The following CAMSAP3 variants were observed in gnomAD, a reference collection of about 807,000 sequenced individuals.
CAMSAP3 encodes the protein calmodulin-regulated spectrin-associated protein 3.
Under a neutral mutation model 112.5 loss-of-function variants are expected in CAMSAP3, and 34 were observed. That is an observed-to-expected ratio of 0.30 (90% CI 0.23 to 0.40). The LOEUF (loss-of-function observed/expected upper bound fraction) is 0.40. Among genes scored for constraint, CAMSAP3 ranks in the 10% least tolerant of loss-of-function variants. The pLI is 1.00. For missense variants in CAMSAP3, 1,602 were observed against 1,770.3 expected, an observed-to-expected ratio of 0.90 and a Z score of 1.71; for synonymous variants, 868 against 799.8, an observed-to-expected ratio of 1.09 and a Z score of -1.44.
At chr19:7,608,035 G>A in intron 4 of CAMSAP3, 91 bp from the exon 5 acceptor site, 2 of 1,500,634 alleles carry the variant, frequency 1.3e-6, no homozygotes, top group Non-Finnish European at 1.8e-6. Context: ...CCCCCTCATG[G>A]CGGAAACCCC....
chr19:7,615,504 C>G lies in CAMSAP3; in HGVS notation c.2897C>G (p.Ala966Gly). 6 of 1,539,202 alleles carry G rather than the reference C, an allele frequency of 3.9e-6. No homozygotes were observed. Among genetic ancestry groups the G allele is most frequent in the East Asian group, 2.5e-5 (1 of 40,692 alleles). The change falls in exon 13 of 17, where the codon GCC (alanine) becomes GGC (glycine). Residue 966 changes from alanine to glycine, a missense_variant. Transcript: ENST00000160298. This position sits in a 1 kb window ranked among gnomAD's most constrained non-coding sequence, Gnocchi z 6.5. ...CCAGCCCCTGCTGCCCGGGCTCCAG[C>G]CGAGGAGGAGGTGGGCCCCCGGAAG... ...ATPAPAARAPAEEEVGPRKGD... is the reference protein window; with the variant it reads ...ATPAPAARAPGEEEVGPRKGD...
Position 7,616,529 on chromosome 19 carries a change from G to A in CAMSAP3, c.3119G>A (p.Arg1040Gln), listed in dbSNP as rs750623892. The A allele has an allele frequency of 2.5e-5, 41 of 1,612,906 alleles. No homozygotes were observed. Among genetic ancestry groups the A allele is most frequent in the South Asian group, 4.4e-5 (4 of 91,054 alleles). The change falls in exon 14 of 17, where the codon CGG (arginine) becomes CAG (glutamine). Residue 1040 changes from arginine (R) to glutamine (Q), a missense_variant. Physicochemically the swap from Arg to Gln is conservative, Grantham distance 43 (BLOSUM62 1). This residue lies in a region of CAMSAP3 where 1,100 missense variants were observed against 1,135.7 expected (regional missense o/e 0.97). Transcript: ENST00000160298. ...RSPARGLLGS[R>Q]LSKIYSQSTL... ...CTGCAATCTCTGTCCCCAGGCTCTC[G>A]GCTGAGCAAAATCTATTCCCAGTCC...
At position 7,607,744 on chromosome 19, in the gene CAMSAP3, T is replaced by C; in HGVS notation, c.622-382T>C. 1.8e-6 allele frequency: 1 copy of C among 552,388 alleles called. No individual in the cohort carries two copies. The highest frequency in any genetic ancestry group is 3.3e-6 in the Non-Finnish European group (1 of 305,930). The allele number at this position is 552,388 out of a possible 1,614,324, so 34.2% of individuals were successfully genotyped here. A position where few individuals can be genotyped will look rare whatever the true frequency, so the allele number is the denominator to read the frequency against. Reference sequence around the variant, plus strand: ...CAGGACCAGGGTCAGGGCTACCCCCTCCCCCCCAAGGTGGGCTTGGGGGCC... The same window carrying C: ...CAGGACCAGGGTCAGGGCTACCCCCCCCCCCCCAAGGTGGGCTTGGGGGCC... On this transcript the variant is annotated intron_variant, in intron 4 of 16. Transcript: ENST00000160298. The surrounding 1 kb of genome is among the most constrained non-coding windows in gnomAD (Gnocchi z 4.9).
chr19:7,608,395 C>G, intron 5 of CAMSAP3, 131 bp downstream of exon 5: 1 of 1,084,258 alleles, frequency 9.2e-7, no homozygotes, highest in South Asian at 1.5e-5. Flanking sequence ...GCTTCCGGAA[C>G]TGGCAGGCCT....
intron 1 of CAMSAP3, among the ~76,000 whole-genome samples, chr19:7,602,228 G>T (rs1261147609): frequency 2.6e-5 from 4 of 152,096 alleles, no homozygotes; most frequent in African/African-American, 9.7e-5. Context: ...ACAGACCAGA[G>T]ATTTTGCTAA....
intron 5 of CAMSAP3, among the ~76,000 whole-genome samples, chr19:7,609,512 C>G (rs2030371919): frequency 6.6e-6 from 1 of 151,892 alleles, no homozygotes; most frequent in East Asian, 1.9e-4. Context: ...TAGAAAGATG[C>G]AAAGGCCTAA....
In CAMSAP3 at chr19:7,615,426, A is replaced by C; in HGVS notation, c.2819A>C (p.Gln940Pro). Residue 940 changes from glutamine to proline, a missense_variant, in exon 13 of 17, where the codon CAA becomes CCA. By Grantham distance (76) the Gln-to-Pro change is moderately conservative. Coordinates refer to ENST00000160298, the MANE Select transcript of CAMSAP3 (RefSeq NM_020902.2). This position sits in a 1 kb window ranked among gnomAD's most constrained non-coding sequence, Gnocchi z 6.5. ...QRREEAARLA[Q>P]EEAPGPAPLV... ...TTCCCTGTGATCTGCAGGCTGGCCC[A>C]AGAGGAGGCCCCGGGCCCAGCCCCG... is the stretch of plus-strand genomic sequence containing the variant. The C allele has an allele frequency of 6.5e-7, 1 of 1,541,084 alleles. No individual in the cohort carries two copies. The highest frequency in any genetic ancestry group is 8.7e-7 in the Non-Finnish European group (1 of 1,145,850).
chr19:7,606,296 C>T lies in CAMSAP3; in HGVS notation c.428C>T (p.Ala143Val). 6.2e-7 allele frequency: 1 copy of T among 1,613,780 alleles called. No homozygotes were observed. Among genetic ancestry groups the T allele is most frequent in the Non-Finnish European group, 8.5e-7 (1 of 1,180,016 alleles). Residue 143 changes from alanine to valine, a missense_variant, in exon 3 of 17, where the codon GCC (alanine) becomes GTC (valine). Physicochemically the swap from Ala to Val is moderately conservative, Grantham distance 64. Coordinates refer to ENST00000160298, the MANE Select transcript of CAMSAP3 (RefSeq NM_020902.2). ...LMGAHLAVID[A>V]LMAAFAFEWT... ...GGAGCCCACCTAGCTGTCATTGATG[C>T]CCTCATGGCTGCCTTTGCCTTCGAG...
chr19:7,612,996 G>C lies in CAMSAP3; in HGVS notation c.2503G>C (p.Glu835Gln). 6.3e-7 allele frequency: 1 copy of C among 1,578,352 alleles called. No homozygotes were observed. Among genetic ancestry groups the C allele is most frequent in the Non-Finnish European group, 8.6e-7 (1 of 1,164,818 alleles). ...SILLAEETPP[E>Q]EPAARPGLIE... ...CCTCCTGGCGGAGGAGACGCCCCCC[G>C]AGGAGCCAGCCGCCCGGCCGGGCCT... The change falls in exon 11 of 17, where the codon GAG (glutamate) becomes CAG (glutamine). Residue 835 changes from glutamate (E) to glutamine (Q), a missense_variant. Coordinates refer to ENST00000160298, the MANE Select transcript of CAMSAP3 (RefSeq NM_020902.2).
At position 7,605,320 on chromosome 19, in the gene CAMSAP3, C is replaced by G; in HGVS notation, c.243C>G (p.Ala81=). ...CGGTGACACGGCTGCTGCTCTCAGC[C>G]GAGCTCTACTGCAGAGCCTGGCGCC... ...KPPVTRLLLS[A]ELYCRAWRQA... The change falls in exon 2 of 17, where the codon GCC becomes GCG. Residue 81 remains alanine (A), a synonymous_variant. Transcript: ENST00000160298. The G allele has an allele frequency of 3.1e-6, 5 of 1,611,172 alleles. No individual in the cohort carries two copies. In the South Asian group the frequency reaches 5.5e-5, roughly 18 times the overall value.
At position 7,607,335 on chromosome 19, in the gene CAMSAP3, G is replaced by A. The variant is rs1213957747; in HGVS notation, c.621+764G>A. On this transcript the variant is annotated intron_variant, in intron 4 of 16. Coordinates refer to ENST00000160298, the MANE Select transcript of CAMSAP3 (RefSeq NM_020902.2). This position sits in a 1 kb window ranked among gnomAD's most constrained non-coding sequence, Gnocchi z 4.9. ...TCCCAGCTTTGAAAAGGAGGAGGAG[G>A]CCCATCCCTGAAGCTGGAAGTTGAA... Among the ~76,000 whole-genome samples the A allele has an allele frequency of 3.9e-5, 6 of 152,176 alleles. No individual in the cohort carries two copies. The highest frequency in any genetic ancestry group is 8.8e-5 in the Non-Finnish European group (6 of 68,024).
At position 7,617,572 on chromosome 19, in the gene CAMSAP3, A is replaced by G; in HGVS notation, c.3355A>G (p.Lys1119Glu). ...ACGGCTGTACAAAGAACCCAGCGCC[A>G]AGTCCAACAAGTTCATCATCCACAA... is the stretch of plus-strand genomic sequence containing the variant. ...GPRLYKEPSAKSNKFIIHNAL... is the reference protein window; with the variant it reads ...GPRLYKEPSAESNKFIIHNAL... The change falls in exon 16 of 17, where the codon AAG becomes GAG. Residue 1119 changes from lysine (K) to glutamate (E), a missense_variant. Physicochemically the swap from Lys to Glu is moderately conservative, Grantham distance 56 (BLOSUM62 1). This residue lies in a region of CAMSAP3 where 150 missense variants were observed against 207.6 expected (regional missense o/e 0.72). Coordinates refer to ENST00000160298, the MANE Select transcript of CAMSAP3 (RefSeq NM_020902.2). This position sits in a 1 kb window ranked among gnomAD's most constrained non-coding sequence, Gnocchi z 7.5. 1 of 1,614,000 alleles carries G rather than the reference A, an allele frequency of 6.2e-7. No individual in the cohort carries two copies. Among genetic ancestry groups the G allele is most frequent in the Non-Finnish European group, 8.5e-7 (1 of 1,179,976 alleles).
chr19:7,602,473 TGCCCAAG>T (rs1568439731), intron 1 of CAMSAP3, among the ~76,000 whole-genome samples: 2 of 152,260 alleles, frequency 1.3e-5, no homozygotes, highest in South Asian at 4.1e-4. Context: ...GAGCAAGACG[TGCCCAAG>T]GCCGGGGCTG....
chr19:7,615,503 G>C lies in CAMSAP3; in HGVS notation c.2896G>C (p.Ala966Pro). Reference sequence around the variant, plus strand: ...TCCAGCCCCTGCTGCCCGGGCTCCAGCCGAGGAGGAGGTGGGCCCCCGGAA... The same window carrying C: ...TCCAGCCCCTGCTGCCCGGGCTCCACCCGAGGAGGAGGTGGGCCCCCGGAA... ...ATPAPAARAPAEEEVGPRKGD... is the reference protein window; with the variant it reads ...ATPAPAARAPPEEEVGPRKGD... Residue 966 changes from alanine to proline, a missense_variant, in exon 13 of 17, where the codon GCC (alanine) becomes CCC (proline). By Grantham distance (27) the Ala-to-Pro change is conservative. Coordinates refer to ENST00000160298, the MANE Select transcript of CAMSAP3 (RefSeq NM_020902.2). The surrounding 1 kb of genome is among the most constrained non-coding windows in gnomAD (Gnocchi z 6.5). 3 of 1,539,660 alleles carry C rather than the reference G, an allele frequency of 1.9e-6. No individual in the cohort carries two copies. The highest frequency in any genetic ancestry group is 2.6e-6 in the Non-Finnish European group (3 of 1,145,072).
chr19:7,618,141 C>G lies in CAMSAP3; in HGVS notation c.*84C>G. 6.9e-7 allele frequency: 1 copy of G among 1,449,622 alleles called. No individual in the cohort carries two copies. Among genetic ancestry groups the G allele is most frequent in the African/African-American group, 1.4e-5 (1 of 71,708 alleles). 89.8% of individuals were successfully genotyped at this position (1,449,622 alleles called of 1,614,324 possible). On this transcript the variant is annotated 3_prime_UTR_variant, in exon 17 of 17. Coordinates refer to ENST00000160298, the MANE Select transcript of CAMSAP3 (RefSeq NM_020902.2). ...GACAGTCAGTCGGTATTCCTGGGTC[C>G]TGTCTGTCCCCAACCGTGTCTGGGT...
intron 11 of CAMSAP3, chr19:7,614,827 G>A (rs1183577073): frequency 1.3e-5 from 5 of 387,576 alleles, no homozygotes; most frequent in Non-Finnish European, 2.4e-5. Context: ...ATTCTACAGG[G>A]TACTTCCTCT....
At chr19:7,596,405 C>T (rs562154358) in intron 1 of CAMSAP3, among the ~76,000 whole-genome samples, 199 of 151,294 alleles carry the variant, frequency 1.3e-3, no homozygotes, top group Non-Finnish European at 1.2e-3. Context: ...CGCGGGGGTC[C>T]CCGGCGTCCA....
chr19:7,599,621 A>C (rs1599339816), intron 1 of CAMSAP3, among the ~76,000 whole-genome samples: 5 of 40,888 alleles, frequency 1.2e-4, no homozygotes, highest in Non-Finnish European at 1.3e-4. Flanking sequence ...TCATCCATCC[A>C]CCCACCCCAC....
At chr19:7,616,651 G>GT in intron 14 of CAMSAP3, 29 bp downstream of exon 14, 1 of 1,534,640 alleles carries the variant, frequency 6.5e-7, no homozygotes, top group Non-Finnish European at 8.9e-7. Context: ...GGCGGGGTTC[G>GT]TATGCCGGGT....
Sources: gnomAD v4.1 joint callset for allele counts (sites outside exome capture counted in the v4.1 genomes callset) on GRCh38, gnomAD v4.1.1 for gene constraint, gnomAD v4.1.1 regional missense constraint, Gnocchi (gnomAD v3.1) non-coding constraint, MANE v1.5 for transcripts, NCBI Gene and HGNC (gene_info 2026-07-23, HGNC 2026-07-21) for gene names.